The following CACNA2D3 variants were observed in gnomAD, a reference collection of about 807,000 sequenced individuals.
CACNA2D3 encodes the protein calcium voltage-gated channel auxiliary subunit alpha2delta 3.
A neutral mutation model predicts 160.6 loss-of-function variants in CACNA2D3; 60 were observed. That is an observed-to-expected ratio of 0.37 (90% CI 0.30 to 0.46). The LOEUF (loss-of-function observed/expected upper bound fraction) is 0.46. CACNA2D3 is among the 20% of genes least tolerant of loss of function. CACNA2D3 has a pLI of 1.00. For missense variants in CACNA2D3, 1,205 were observed against 1,365.0 expected, an observed-to-expected ratio of 0.88 and a Z score of 1.85; for synonymous variants, 558 against 492.9, an observed-to-expected ratio of 1.13 and a Z score of -1.75.
intron 29 of CACNA2D3, among the ~76,000 whole-genome samples, chr3:54,979,366 G>A (rs1702458590): frequency 6.6e-6 from 1 of 152,146 alleles, no homozygotes; most frequent in Non-Finnish European, 1.5e-5. Context: ...TTCTCCAGTT[G>A]TATCCTATTA....
chr3:54,822,807 CTTTCTTTCTTTCTTTCTTTCTTTCT>C lies in CACNA2D3; in HGVS notation c.1398+5965_1398+5989del, dbSNP rs1559595735. Among the ~76,000 whole-genome samples the C allele has an allele frequency of 1.2e-3, 123 of 102,736 alleles. 3 individuals are homozygous for C. The highest frequency in any genetic ancestry group is 3.9e-3 in the East Asian group (14 of 3,626). 67.4% of individuals were successfully genotyped at this position (102,736 alleles called of 152,430 possible). On this transcript the variant is annotated intron_variant, in intron 14 of 37. Coordinates refer to ENST00000474759, the MANE Select transcript of CACNA2D3 (RefSeq NM_018398.3). ...CTTTCTTTCCTTTCTTTCTTTCTTT[CTTTCTTTCTTTCTTTCTTTCTTTCT>C]TTTCTTTCTTTCTTTCTTTCTTTCT...
chr3:54,415,599 A>G (rs1699741443), intron 4 of CACNA2D3, among the ~76,000 whole-genome samples: 1 of 152,240 alleles, frequency 6.6e-6, no homozygotes, highest in Non-Finnish European at 1.5e-5. Context: ...TATAGTAACA[A>G]TGATAAGAGT....
chr3:54,393,984 G>A (rs770373004), intron 4 of CACNA2D3, among the ~76,000 whole-genome samples: 4 of 152,218 alleles, frequency 2.6e-5, no homozygotes, highest in Non-Finnish European at 5.9e-5. Context: ...TGCTGCATGT[G>A]TCCATACAGG....
intron 2 of CACNA2D3, among the ~76,000 whole-genome samples, chr3:54,224,173 G>A (rs972542315): frequency 6.6e-6 from 1 of 152,066 alleles, no homozygotes; most frequent in Non-Finnish European, 1.5e-5. Context: ...CCCACTGGAA[G>A]GCCTTCATGG....
intron 13 of CACNA2D3, among the ~76,000 whole-genome samples, chr3:54,797,411 G>A (rs1323542966): frequency 1.3e-5 from 2 of 152,152 alleles, no homozygotes; most frequent in African/African-American, 2.4e-5. Context: ...GTAGAAGCCC[G>A]TGTCACTGTG....
At chr3:54,890,952 T>G (rs1700050835) in intron 24 of CACNA2D3, among the ~76,000 whole-genome samples, 1 of 152,204 alleles carries the variant, frequency 6.6e-6, no homozygotes, top group Admixed American at 6.5e-5. Context: ...AAGAATAAAC[T>G]TGGTAGCTTT....
chr3:54,912,140 C>T (rs1700568770), intron 27 of CACNA2D3, among the ~76,000 whole-genome samples: 1 of 152,176 alleles, frequency 6.6e-6, no homozygotes, highest in Non-Finnish European at 1.5e-5. Context: ...ACCTCCTTGC[C>T]ACATAGGCTT....
chr3:54,384,542 G>A (rs531433498), intron 3 of CACNA2D3, among the ~76,000 whole-genome samples: 80 of 152,310 alleles, frequency 5.3e-4, no homozygotes, highest in Admixed American at 3.9e-3. Context: ...AAGCTTCATT[G>A]ACTAGGATGA....
chr3:54,695,348 G>A (rs1700645127), intron 11 of CACNA2D3, among the ~76,000 whole-genome samples: 1 of 151,572 alleles, frequency 6.6e-6, no homozygotes, highest in Admixed American at 6.6e-5. Context: ...TGATTTCAGT[G>A]ACTGAACAGT....
At chr3:54,470,119 C>G (rs930939499) in intron 4 of CACNA2D3, among the ~76,000 whole-genome samples, 1 of 152,108 alleles carries the variant, frequency 6.6e-6, no homozygotes, top group African/African-American at 2.4e-5. Context: ...AACCCCAAGA[C>G]ACACAAATGT....
chr3:54,130,185 T>C (rs996797645), intron 2 of CACNA2D3, among the ~76,000 whole-genome samples: 1 of 152,152 alleles, frequency 6.6e-6, no homozygotes, highest in Admixed American at 6.5e-5. Context: ...CTAAGCCTCC[T>C]GTGGGACAGG....
At chr3:54,666,614 C>G (rs371366284) in intron 11 of CACNA2D3, among the ~76,000 whole-genome samples, 1 of 152,200 alleles carries the variant, frequency 6.6e-6, no homozygotes, top group Non-Finnish European at 1.5e-5. Context: ...TATAAGGACT[C>G]ATTAATCTCC....
chr3:54,293,193 T>C (rs931556719), intron 2 of CACNA2D3, among the ~76,000 whole-genome samples: 12 of 152,146 alleles, frequency 7.9e-5, no homozygotes, highest in African/African-American at 2.9e-4. Flanking sequence ...TGGGGTATTA[T>C]TTTTTTATTT....
intron 35 of CACNA2D3, among the ~76,000 whole-genome samples, chr3:55,067,600 G>GCT (rs1004003686): frequency 2.6e-5 from 4 of 152,130 alleles, no homozygotes; most frequent in Non-Finnish European, 5.9e-5. Context: ...GGTTACAGAT[G>GCT]GAGTTCAAGT....
chr3:54,431,674 G>T (rs1034637465), intron 4 of CACNA2D3, among the ~76,000 whole-genome samples: 1 of 152,106 alleles, frequency 6.6e-6, no homozygotes, highest in Non-Finnish European at 1.5e-5. Context: ...GTGCAATGGC[G>T]TGATCTTGGC....
At chr3:54,143,423 T>C (rs549738159) in intron 2 of CACNA2D3, among the ~76,000 whole-genome samples, 19 of 152,202 alleles carry the variant, frequency 1.2e-4, no homozygotes, top group Non-Finnish European at 2.4e-4. Context: ...ATTTTGGAAA[T>C]AATGGATAAA....
chr3:54,809,311 C>CTTTTTTTTTTTTTTTTTTTTT (rs1217898723), intron 13 of CACNA2D3, among the ~76,000 whole-genome samples: 37 of 80,722 alleles, frequency 4.6e-4, no homozygotes, highest in African/African-American at 1.1e-3. Context: ...TTCCTTCTTT[C>CTTTTTTTTTTTTTTTTTTTTT]TTTTTTTTTT....
intron 2 of CACNA2D3, among the ~76,000 whole-genome samples, chr3:54,197,115 TG>T (rs1168240544): frequency 6.6e-6 from 1 of 152,164 alleles, no homozygotes; most frequent in Admixed American, 6.5e-5. Flanking sequence ...TTGTCCAGGT[TG>T]GTTTTGAGCT....
chr3:54,639,786 G>A (rs1210571281), intron 10 of CACNA2D3: 2 of 155,758 alleles, frequency 1.3e-5, no homozygotes, highest in African/African-American at 4.8e-5. Context: ...CCACCAAACA[G>A]GCTTTGTGTG....
Sources: gnomAD v4.1 joint callset for allele counts (sites outside exome capture counted in the v4.1 genomes callset) on GRCh38, gnomAD v4.1.1 for gene constraint, MANE v1.5 for transcripts, NCBI Gene and HGNC (gene_info 2026-07-23, HGNC 2026-07-21) for gene names.